Variants in SPSB3 observed in about 807,000 individuals in gnomAD.
SPSB3 encodes the protein splA/ryanodine receptor domain and SOCS box containing 3, also known as SPRY domain-containing SOCS box protein 3.
Under a neutral mutation model 29.5 loss-of-function variants are expected in SPSB3, and 18 were observed. That is an observed-to-expected ratio of 0.61 (90% CI 0.42 to 0.91). SPSB3 has a LOEUF of 0.91. SPSB3 is among the 40% of genes least tolerant of loss of function. SPSB3 has a pLI of 0.00. For missense variants in SPSB3, 540 were observed against 507.5 expected (o/e 1.06, Z -0.61); for synonymous variants, 299 against 214.1 (o/e 1.40, Z -3.46).
rs1375846702 is a variant in SPSB3 at position 1,777,398 on chromosome 16, A to C, written c.767T>G (p.Val256Gly). The change falls in exon 7 of 7, where the codon GTG becomes GGG. Residue 256 changes from valine (V) to glycine (G), a missense_variant. Val to Gly is a moderately radical substitution (Grantham distance 109, BLOSUM62 -3). Transcript: ENST00000566339. ...GCTGCTCCGGGCCGCCGTGGAGCAC[A>C]CCATCGGGTAGAATCTCTTGTTCTG... is the stretch of plus-strand genomic sequence containing the variant. Reference protein sequence around the residue: ...KLQNKRFYPMVCSTAARSSMK... With the variant: ...KLQNKRFYPMGCSTAARSSMK... The C allele has an allele frequency of 1.9e-6, 3 of 1,579,722 alleles. No individual in the cohort carries two copies. The highest frequency in any genetic ancestry group is 1.7e-5 in the Admixed American group (1 of 58,078).
Position 1,781,438 on chromosome 16 carries a change from T to G in SPSB3, c.46A>C (p.Ser16Arg). 2 of 1,612,634 alleles carry G rather than the reference T, an allele frequency of 1.2e-6. No individual in the cohort carries two copies. Among genetic ancestry groups the G allele is most frequent in the Non-Finnish European group, 1.7e-6 (2 of 1,179,980 alleles). Reference protein sequence around the residue: ...RNSRAWHFVLSAARRDADARA... With the variant: ...RNSRAWHFVLRAARRDADARA... ...GCATCTGCGTCTCGGCGGGCTGCAC[T>G]CAGGACGAAGTGCCAGGCCCTGCTG... The change falls in exon 2 of 7, where the codon AGT (serine) becomes CGT (arginine). Residue 16 changes from serine (S) to arginine (R), a missense_variant. Physicochemically the swap from Ser to Arg is moderately radical, Grantham distance 110. Transcript: ENST00000566339.
Position 1,776,931 on chromosome 16 carries a change from C to T in SPSB3, c.*166G>A, listed in dbSNP as rs868614138. The T allele has an allele frequency of 3.9e-6, 3 of 769,538 alleles. No individual in the cohort carries two copies. The highest frequency in any genetic ancestry group is 3.5e-5 in the African/African-American group (2 of 57,102). 47.7% of individuals were successfully genotyped at this position (769,538 alleles called of 1,614,324 possible). On this transcript the variant is annotated 3_prime_UTR_variant, in exon 7 of 7. Coordinates refer to ENST00000566339, the MANE Select transcript of SPSB3 (RefSeq NM_080861.4). ...CACAGCAGCAGAGGGGCCCTAGAGC[C>T]CCCACAGAAAGGACTGTCCCAGCCT...
At chr16:1,781,128 G>A (rs1326093580) in intron 2 of SPSB3, 34 of 1,477,076 alleles carry the variant, frequency 2.3e-5, no homozygotes, top group Non-Finnish European at 2.8e-5. Flanking sequence ...GAAGAATGCA[G>A]TGTGTTCTGA....
rs1254829448 is a variant in SPSB3, at chr16:1,777,151, G to A, written c.1014C>T (p.His338=). 1 of 1,611,488 alleles carries A rather than the reference G, an allele frequency of 6.2e-7. No homozygotes were observed. Among genetic ancestry groups the A allele is most frequent in the Non-Finnish European group, 8.5e-7 (1 of 1,179,856 alleles). The change falls in exon 7 of 7, where the codon CAC becomes CAT. Residue 338 remains histidine, a synonymous_variant. Coordinates refer to ENST00000566339, the MANE Select transcript of SPSB3 (RefSeq NM_080861.4). ...AGGGCCGAGGCTCGCGACTGCTGGG[G>A]TGGGCGGAGGTCGCTGCCTGGGGAT... ...VSDPQAATSA[H]PSSREPRPCQ... is the part of the protein sequence containing the mutation.
intron 2 of SPSB3, chr16:1,780,589 G>A (rs926123830): frequency 6.5e-6 from 1 of 153,184 alleles, no homozygotes; most frequent in African/African-American, 2.4e-5. Flanking sequence ...AAGGATCAGG[G>A]TTTTTCTGTT....
Position 1,777,842 on chromosome 16 carries a change from C to T in SPSB3, c.626G>A (p.Ser209Asn). Residue 209 changes from serine to asparagine, a missense_variant, in exon 6 of 7, where the codon AGC becomes AAC. By Grantham distance (46) the Ser-to-Asn change is conservative (BLOSUM62 1). Transcript: ENST00000566339. ...GCCCTGGCCGAACCGCGATGAGAAG[C>T]TGGTCTTGTCGCCCTTGTGGTGGAG... ...GLLHHKGDKTSFSSRFGQGSI... is the reference protein window; with the variant it reads ...GLLHHKGDKTNFSSRFGQGSI... 5 of 1,612,836 alleles carry T rather than the reference C, an allele frequency of 3.1e-6. No individual in the cohort carries two copies. The highest frequency in any genetic ancestry group is 4.2e-6 in the Non-Finnish European group (5 of 1,179,862).
At chr16:1,781,704 C>CCAGA (rs1047655132) in intron 1 of SPSB3, 27 of 579,620 alleles carry the variant, frequency 4.7e-5, no homozygotes, top group Admixed American at 2.8e-4. Context: ...GAAACGCCAC[C>CCAGA]CAGACACCCA....
Position 1,778,225 on chromosome 16 carries a change from C to T in SPSB3, c.401G>A (p.Gly134Asp). 1 of 1,612,970 alleles carries T rather than the reference C, an allele frequency of 6.2e-7. No homozygotes were observed. The highest frequency in any genetic ancestry group is 1.1e-5 in the South Asian group (1 of 91,080). The part of the protein sequence containing the change: ...KVSFHMEYSC[G>D]TAAIRGTKEL... ...CTTGGTGCCCCGGATGGCCGCTGTG[C>T]CGCAGCTGTACTCCATGTGGAAGCT... is the stretch of plus-strand genomic sequence containing the variant. Residue 134 changes from glycine to aspartate, a missense_variant, in exon 4 of 7, where the codon GGC becomes GAC. Coordinates refer to ENST00000566339, the MANE Select transcript of SPSB3 (RefSeq NM_080861.4).
intron 2 of SPSB3, 21 bp from the exon 3 acceptor site, chr16:1,778,633 G>C: frequency 6.5e-7 from 1 of 1,528,290 alleles, no homozygotes; most frequent in Non-Finnish European, 8.8e-7. Context: ...AGGGCCGGCT[G>C]TTACTACCTG....
At position 1,778,224 on chromosome 16, in the gene SPSB3, G is replaced by A; in HGVS notation, c.402C>T (p.Gly134=). 1.9e-6 allele frequency: 3 copies of A among 1,612,978 alleles called. No individual in the cohort carries two copies. Among genetic ancestry groups the A allele is most frequent in the Non-Finnish European group, 2.5e-6 (3 of 1,179,972 alleles). ...KVSFHMEYSC[G]TAAIRGTKEL... ...CCTTGGTGCCCCGGATGGCCGCTGTGCCGCAGCTGTACTCCATGTGGAAGC... is the reference window on the plus strand; with the variant it reads ...CCTTGGTGCCCCGGATGGCCGCTGTACCGCAGCTGTACTCCATGTGGAAGC... Residue 134 remains glycine, a synonymous_variant, in exon 4 of 7, where the codon GGC becomes GGT. Transcript: ENST00000566339.
Position 1,777,344 on chromosome 16 carries a change from G to A in SPSB3, c.821C>T (p.Ala274Val). 6.2e-7 allele frequency: 1 copy of A among 1,608,034 alleles called. No individual in the cohort carries two copies. The highest frequency in any genetic ancestry group is 8.5e-7 in the Non-Finnish European group (1 of 1,179,046). ...GCAGCACAGGTACTGGAGGGAAGTG[G>A]CGCTGGCACAGGAGCGGGTGACCTT... Reference protein sequence around the residue: ...SMKVTRSCASATSLQYLCCHR... With the variant: ...SMKVTRSCASVTSLQYLCCHR... The change falls in exon 7 of 7, where the codon GCC (alanine) becomes GTC (valine). Residue 274 changes from alanine (A) to valine (V), a missense_variant. Transcript: ENST00000566339.
intron 2 of SPSB3, chr16:1,778,818 G>T: frequency 2.0e-6 from 1 of 500,788 alleles, no homozygotes; most frequent in Non-Finnish European, 3.4e-6. Flanking sequence ...TGACCAGGAG[G>T]GCCCTGGAGG....
rs562410877 is a variant in SPSB3 at position 1,782,503 on chromosome 16, T to A, written c.-14A>T. ...GTCGGCCCGTGCCCCGCCACTCACCTGCAGCCCCCGCTGCGCGCTCCGCCG... is the reference window on the plus strand; with the variant it reads ...GTCGGCCCGTGCCCCGCCACTCACCAGCAGCCCCCGCTGCGCGCTCCGCCG... On this transcript the variant is annotated splice_region_variant and 5_prime_UTR_variant, in exon 1 of 7. Coordinates refer to ENST00000566339, the MANE Select transcript of SPSB3 (RefSeq NM_080861.4). 6.5e-6 allele frequency: 1 copy of A among 152,734 alleles called. No homozygotes were observed. The highest frequency in any genetic ancestry group is 1.9e-4 in the East Asian group (1 of 5,190). 9.5% of individuals were successfully genotyped at this position (152,734 alleles called of 1,614,324 possible).
In SPSB3 at chr16:1,778,461, T is replaced by C. The variant is rs766098083; in HGVS notation, c.278A>G (p.Asp93Gly). Reference sequence around the variant, plus strand: ...CTCGTCTTCCTCTCCGCAGCGGCAGTCCCTGCCCCGGTGGGCCGAGTGCAG... The same window carrying C: ...CTCGTCTTCCTCTCCGCAGCGGCAGCCCCTGCCCCGGTGGGCCGAGTGCAG... Reference protein sequence around the residue: ...SSLHSAHRGRDCRCGEEDEYF... With the variant: ...SSLHSAHRGRGCRCGEEDEYF... The change falls in exon 3 of 7, where the codon GAC becomes GGC. Residue 93 changes from aspartate (D) to glycine (G), a missense_variant. Physicochemically the swap from Asp to Gly is moderately conservative, Grantham distance 94. Transcript: ENST00000566339. 6.2e-7 allele frequency: 1 copy of C among 1,610,898 alleles called. No homozygotes were observed. The highest frequency in any genetic ancestry group is 2.2e-5 in the East Asian group (1 of 44,850).
intron 2 of SPSB3, chr16:1,780,742 GT>G (rs918565223): frequency 2.5e-5 from 4 of 162,426 alleles, no homozygotes; most frequent in South Asian, 1.5e-4. Context: ...TTTTGTTTTT[GT>G]TTTTTTTGAG....
At position 1,777,002 on chromosome 16, in the gene SPSB3, GC is replaced by G; in HGVS notation, c.*94del. ...CTCCGGACGGGCCTCATCCAACTCC[GC>G]CCTGGAGTGTGGCTGGAAGGAAGGG... is the stretch of plus-strand genomic sequence containing the variant. On this transcript the variant is annotated 3_prime_UTR_variant, in exon 7 of 7. Transcript: ENST00000566339. The G allele has an allele frequency of 7.0e-7, 1 of 1,433,284 alleles. No homozygotes were observed. The highest frequency in any genetic ancestry group is 2.3e-5 in the East Asian group (1 of 43,498). 88.8% of individuals were successfully genotyped at this position (1,433,284 alleles called of 1,614,324 possible). A position where few individuals can be genotyped will look rare whatever the true frequency, so the allele number is the denominator to read the frequency against.
intron 2 of SPSB3, chr16:1,780,097 GAGC>G (rs1044309267): frequency 3.9e-5 from 6 of 152,496 alleles, no homozygotes; most frequent in African/African-American, 1.4e-4. Context: ...TGACAGCAGA[GAGC>G]AGCACCAGGT....
In SPSB3 at chr16:1,777,890, C is replaced by A. The variant is rs559627334; in HGVS notation, c.596-18G>T. 1.9e-6 allele frequency: 3 copies of A among 1,611,876 alleles called. No homozygotes were observed. Among genetic ancestry groups the A allele is most frequent in the South Asian group, 2.2e-5 (2 of 91,046 alleles). On this transcript the variant is annotated intron_variant, in intron 5 of 6. Coordinates refer to ENST00000566339, the MANE Select transcript of SPSB3 (RefSeq NM_080861.4). ...GAGGAGGCCTGGGGGCAGCCAGGGTCGCAGTGAGCCCGGGAGCTCCAGGCT... is the reference window on the plus strand; with the variant it reads ...GAGGAGGCCTGGGGGCAGCCAGGGTAGCAGTGAGCCCGGGAGCTCCAGGCT...
Position 1,777,453 on chromosome 16 carries a change from A to T in SPSB3, c.722-10T>A. On this transcript the variant is annotated splice_polypyrimidine_tract_variant and intron_variant, in intron 6 of 6. Transcript: ENST00000566339. ...TTGGTGGCTGCCACACCTGGAAGGGAGGGGCCCAGCCTGAACCCCAGGCAG... is the reference window on the plus strand; with the variant it reads ...TTGGTGGCTGCCACACCTGGAAGGGTGGGGCCCAGCCTGAACCCCAGGCAG... The T allele has an allele frequency of 6.7e-7, 1 of 1,497,572 alleles. No individual in the cohort carries two copies. The highest frequency in any genetic ancestry group is 8.9e-7 in the Non-Finnish European group (1 of 1,124,116). The allele number at this position is 1,497,572 out of a possible 1,614,324, so 92.8% of individuals were successfully genotyped here.
Sources: gnomAD v4.1 joint callset for allele counts on GRCh38, gnomAD v4.1.1 for gene constraint, MANE v1.5 for transcripts, NCBI Gene and HGNC (gene_info 2026-07-23, HGNC 2026-07-21) for gene names.